The following CNGB1 variants were observed in gnomAD, a reference collection of about 807,000 sequenced individuals.
The protein encoded by CNGB1 is cyclic nucleotide-gated channel beta-1.
In CNGB1, 126 loss-of-function variants were observed where a neutral mutation model predicts 151.7. The observed-to-expected ratio is 0.83, with a 90% CI of 0.72 to 0.96. The LOEUF (loss-of-function observed/expected upper bound fraction) is 0.96. CNGB1 is among the 40% of genes least tolerant of loss of function. The probability of loss-of-function intolerance (pLI) is 0.00; values close to 1 mark genes in which losing one functional copy is unlikely to be tolerated. For synonymous variants in CNGB1, 623 were observed against 635.1 expected (o/e 0.98, Z 0.29); for missense variants, 1,698 against 1,627.0 (o/e 1.04, Z -0.75).
At chr16:57,915,550 C>G (rs771680191) in intron 22 of CNGB1, among the ~76,000 whole-genome samples, 27 of 152,152 alleles carry the variant, frequency 1.8e-4, no homozygotes, top group Non-Finnish European at 3.5e-4. Context: ...TCATTATCCT[C>G]GATAGTGGCT....
At position 57,884,356 on chromosome 16, in the gene CNGB1, C is replaced by T. The variant is rs747094811; in HGVS notation, c.3564G>A (p.Thr1188=). The stretch of plus-strand genomic sequence containing the variant: ...GTGGAGACCCCGGGGGCTCGGGGGG[C>T]GTCCGGGGCGCGGGTGGGTCGGTGG... ...EAATDPPAPR[T]PPEPPGSPPS... The change falls in exon 33 of 33, where the codon ACG becomes ACA. Residue 1188 remains threonine (T), a synonymous_variant. Transcript: ENST00000251102. The T allele has an allele frequency of 6.2e-7, 1 of 1,609,680 alleles. No homozygotes were observed. The highest frequency in any genetic ancestry group is 8.5e-7 in the Non-Finnish European group (1 of 1,178,586).
chr16:57,949,134 G>C (rs8059447), intron 14 of CNGB1, among the ~76,000 whole-genome samples: 1,892 of 149,136 alleles, frequency 0.013, 23 homozygotes, highest in Middle Eastern at 0.082. Flanking sequence ...TAGTGTGTGT[G>C]GGGGGGGATG....
At chr16:57,955,831 G>A (rs1331152866) in intron 12 of CNGB1, among the ~76,000 whole-genome samples, 1 of 152,196 alleles carries the variant, frequency 6.6e-6, no homozygotes, top group Non-Finnish European at 1.5e-5. Context: ...AGCAGCATGG[G>A]CATGTCTCGC....
intron 16 of CNGB1, among the ~76,000 whole-genome samples, chr16:57,939,181 C>T (rs1484042329): frequency 3.3e-5 from 5 of 152,052 alleles, no homozygotes; most frequent in Non-Finnish European, 4.4e-5. Context: ...GGGATTTCCC[C>T]GGCGCCACTG....
rs1477405 is a variant in CNGB1 at position 57,883,245 on chromosome 16, C to T, written c.*919G>A. 60,033 of 150,598 alleles carry T rather than the reference C, an allele frequency of 0.4. 13,497 individuals carry two copies. The highest frequency in any genetic ancestry group is 0.5 in the Non-Finnish European group (33,983 of 67,888). The allele number at this position is 150,598 out of a possible 1,614,324, so 9.3% of individuals were successfully genotyped here. A position where few individuals can be genotyped will look rare whatever the true frequency, so the allele number is the denominator to read the frequency against. ...CATGGCAATTCTCAGCTGAACAGCTCGGGCTGCCCTCCTTTCTTTGTTTTT... is the reference window on the plus strand; with the variant it reads ...CATGGCAATTCTCAGCTGAACAGCTTGGGCTGCCCTCCTTTCTTTGTTTTT... On this transcript the variant is annotated 3_prime_UTR_variant, in exon 33 of 33. Coordinates refer to ENST00000251102, the MANE Select transcript of CNGB1 (RefSeq NM_001297.5).
At chr16:57,888,126 A>G (rs764825951) in intron 31 of CNGB1, 52 bp from the exon 32 acceptor site, 1 of 1,570,018 alleles carries the variant, frequency 6.4e-7, no homozygotes, top group Non-Finnish European at 8.7e-7. Context: ...GGGGGAAAAG[A>G]AAGACTCGCT....
chr16:57,910,054 A>C (rs1419893733), intron 25 of CNGB1, among the ~76,000 whole-genome samples: 1 of 152,232 alleles, frequency 6.6e-6, no homozygotes, highest in Non-Finnish European at 1.5e-5. Context: ...TTGTAAACCA[A>C]AAATAAATTA....
intron 13 of CNGB1, among the ~76,000 whole-genome samples, chr16:57,949,822 G>A (rs1383513251): frequency 6.6e-6 from 1 of 152,178 alleles, no homozygotes; most frequent in East Asian, 1.9e-4. Flanking sequence ...TGGCAATCAT[G>A]ACCACAATTC....
chr16:57,904,648 CG>C lies in CNGB1; in HGVS notation c.2634+85del, dbSNP rs1260673357. 7 of 1,581,856 alleles carry C rather than the reference CG, an allele frequency of 4.4e-6. No individual in the cohort carries two copies. The Admixed American group carries it at 1.0e-4, about 23-fold the overall frequency. ...TTTCCCAGGCTTAATCCAAAAGCAA[CG>C]GGCACAGAGGGTGACATTTCTGGCA... On this transcript the variant is annotated intron_variant, in intron 26 of 32. Coordinates refer to ENST00000251102, the MANE Select transcript of CNGB1 (RefSeq NM_001297.5).
intron 17 of CNGB1, among the ~76,000 whole-genome samples, chr16:57,927,123 G>A (rs1305241291): frequency 2.0e-5 from 3 of 152,214 alleles, no homozygotes; most frequent in African/African-American, 4.8e-5. Flanking sequence ...GTACCTTAGG[G>A]TGCAGTAGCT....
In CNGB1 at chr16:57,883,750, GACAAATTCCT is replaced by G; in HGVS notation, c.*404_*413del. 1 of 270,926 alleles carries G rather than the reference GACAAATTCCT, an allele frequency of 3.7e-6. No individual in the cohort carries two copies. The highest frequency in any genetic ancestry group is 5.1e-5 in the Admixed American group (1 of 19,630). The allele number at this position is 270,926 out of a possible 1,614,324, so 16.8% of individuals were successfully genotyped here. On this transcript the variant is annotated 3_prime_UTR_variant, in exon 33 of 33. Transcript: ENST00000251102. Reference sequence around the variant, plus strand: ...TATTTTCTATCCTTGAAATGTGTTAGACAAATTCCTGAGGGGAAACCCCACACATTCAATA... The same window carrying G: ...TATTTTCTATCCTTGAAATGTGTTAGGAGGGGAAACCCCACACATTCAATA...
chr16:57,947,640 C>T (rs1395681808), intron 14 of CNGB1, among the ~76,000 whole-genome samples: 2 of 152,146 alleles, frequency 1.3e-5, no homozygotes, highest in Non-Finnish European at 2.9e-5. Context: ...GGCTGTGTGG[C>T]CTCCTGTCAA....
At chr16:57,940,435 C>T (rs1961639961) in intron 14 of CNGB1, 114 bp from the exon 15 acceptor site, 1 of 1,008,076 alleles carries the variant, frequency 9.9e-7, no homozygotes, top group Non-Finnish European at 1.5e-6. Context: ...ACAGAGATGC[C>T]CAAGAACCAG....
In CNGB1 at chr16:57,884,109, C is replaced by T. The variant is rs1959832525; in HGVS notation, c.*55G>A. 2 of 1,610,684 alleles carry T rather than the reference C, an allele frequency of 1.2e-6. No individual in the cohort carries two copies. The highest frequency in any genetic ancestry group is 3.3e-5 in the Admixed American group (2 of 59,980). On this transcript the variant is annotated 3_prime_UTR_variant, in exon 33 of 33. Transcript: ENST00000251102. Reference sequence around the variant, plus strand: ...GGGGCGCTGGGGCGCAGGGGCGCAGCGGGCGCTGGGGACACACCTGCTGGA... The same window carrying T: ...GGGGCGCTGGGGCGCAGGGGCGCAGTGGGCGCTGGGGACACACCTGCTGGA...
intron 29 of CNGB1, among the ~76,000 whole-genome samples, chr16:57,898,524 T>TGTGCTGTAATGCTGGGATTA (rs1282384688): frequency 6.6e-6 from 1 of 152,132 alleles, no homozygotes; most frequent in Non-Finnish European, 1.5e-5. Flanking sequence ...ATTACAGGCA[T>TGTGCTGTAATGCTGGGATTA]CATGCTTCAG....
chr16:57,910,670 G>A (rs972399075), intron 25 of CNGB1, among the ~76,000 whole-genome samples: 6 of 133,676 alleles, frequency 4.5e-5, no homozygotes, highest in African/African-American at 1.5e-4. Flanking sequence ...CACCAAGCCC[G>A]GCCTTTTTTT....
chr16:57,932,672 CA>C (rs1961389286), intron 16 of CNGB1, among the ~76,000 whole-genome samples: 1 of 149,774 alleles, frequency 6.7e-6, no homozygotes, highest in East Asian at 2.0e-4. Flanking sequence ...CTCCGCCTCC[CA>C]GGGTTCATGC....
At chr16:57,944,881 G>C (rs1961763163) in intron 14 of CNGB1, among the ~76,000 whole-genome samples, 1 of 146,390 alleles carries the variant, frequency 6.8e-6, no homozygotes, top group Non-Finnish European at 1.5e-5. Context: ...TTGAACCCAG[G>C]AGGCAGAGAT....
At chr16:57,917,566 C>T in intron 20 of CNGB1, 90 bp from the exon 21 acceptor site, 1 of 1,200,334 alleles carries the variant, frequency 8.3e-7, no homozygotes, top group Non-Finnish European at 1.2e-6. Flanking sequence ...CTTTCTACTC[C>T]TTCAACTACT....
Sources: allele counts gnomAD v4.1 joint callset (sites outside exome capture counted in the v4.1 genomes callset), GRCh38; gene constraint gnomAD v4.1.1; transcripts MANE v1.5; gene names NCBI Gene and HGNC (gene_info 2026-07-23, HGNC 2026-07-21).